Variants in GRIP1 observed in about 807,000 individuals in gnomAD.
GRIP1 encodes glutamate receptor-interacting protein 1.
GRIP1 carries 45 observed loss-of-function variants against 129.9 expected under a neutral mutation model. That is an observed-to-expected ratio of 0.35 (90% CI 0.27 to 0.44). GRIP1 has a LOEUF of 0.44. Ranked by LOEUF, GRIP1 falls within the 20% of genes least tolerant of loss-of-function variation. The probability of loss-of-function intolerance (pLI) is 1.00; values close to 1 mark genes in which losing one functional copy is unlikely to be tolerated. For synonymous variants in GRIP1, 530 were observed against 520.8 expected, an observed-to-expected ratio of 1.02 and a Z score of -0.24; for missense variants, 1,196 against 1,396.8, an observed-to-expected ratio of 0.86 and a Z score of 2.29.
Position 66,517,931 on chromosome 12 carries a change from G to T in GRIP1, c.548C>A (p.Thr183Lys). Residue 183 changes from threonine (T) to lysine (K), a missense_variant, in exon 6 of 25, where the codon ACA becomes AAA. Coordinates refer to ENST00000359742, the MANE Select transcript of GRIP1 (RefSeq NM_001366722.1). The part of the protein sequence containing the change: ...DRNKSRPVVI[T>K]CVRPGGPADR... ...AGCAGGCCCTCCAGGACGAACACAT[G>T]TTATCACAACTGGACGAGATTTATT... 1 of 1,598,054 alleles carries T rather than the reference G, an allele frequency of 6.3e-7. No homozygotes were observed. The highest frequency in any genetic ancestry group is 8.6e-7 in the Non-Finnish European group (1 of 1,165,534).
intron 1 of GRIP1, among the ~76,000 whole-genome samples, chr12:66,740,031 C>T (rs1363178952): frequency 2.6e-5 from 4 of 152,098 alleles, no homozygotes; most frequent in African/African-American, 9.7e-5. Flanking sequence ...CCCCTGTGAC[C>T]CTGAGTCCTG....
At chr12:66,640,310 C>A (rs1283385042) in intron 1 of GRIP1, among the ~76,000 whole-genome samples, 1 of 152,188 alleles carries the variant, frequency 6.6e-6, no homozygotes, top group African/African-American at 2.4e-5. Flanking sequence ...CATTACTTAG[C>A]ACATATTAGT....
chr12:66,550,015 T>C (rs2062073539), intron 2 of GRIP1, among the ~76,000 whole-genome samples: 1 of 152,186 alleles, frequency 6.6e-6, no homozygotes, highest in Non-Finnish European at 1.5e-5. Flanking sequence ...ACTGTTTTTC[T>C]GGCATAACTG....
chr12:66,382,772 C>T (rs1834186416), intron 19 of GRIP1, among the ~76,000 whole-genome samples: 1 of 152,154 alleles, frequency 6.6e-6, no homozygotes, highest in African/African-American at 2.4e-5. Context: ...TTCCTGTCCT[C>T]AAAAACTGCA....
At chr12:66,873,085 T>G (rs909769486) in intron 1 of GRIP1, among the ~76,000 whole-genome samples, 1 of 152,084 alleles carries the variant, frequency 6.6e-6, no homozygotes, top group African/African-American at 2.4e-5. Context: ...TGTCTTGGCT[T>G]TCTTACAATA....
intron 1 of GRIP1, among the ~76,000 whole-genome samples, chr12:66,897,530 G>A (rs1408329874): frequency 3.3e-5 from 5 of 152,292 alleles, no homozygotes; most frequent in East Asian, 3.9e-4. Flanking sequence ...GCAATCAGCC[G>A]CTTCAGAACA....
At chr12:67,045,324 C>A (rs1166397675) in intron 1 of GRIP1, among the ~76,000 whole-genome samples, 3 of 152,110 alleles carry the variant, frequency 2.0e-5, no homozygotes, top group Non-Finnish European at 2.9e-5. Flanking sequence ...AGAAATTCTA[C>A]ATGAACTTTT....
intron 1 of GRIP1, among the ~76,000 whole-genome samples, chr12:66,793,518 A>T (rs1201107056): frequency 6.6e-6 from 1 of 152,234 alleles, no homozygotes; most frequent in Non-Finnish European, 1.5e-5. Flanking sequence ...AGTATAATTG[A>T]ATACAAAATA....
intron 1 of GRIP1, among the ~76,000 whole-genome samples, chr12:66,888,924 C>A: frequency 6.6e-6 from 1 of 152,002 alleles, no homozygotes; most frequent in South Asian, 2.1e-4. Flanking sequence ...TATTTGAAGA[C>A]TACATTTAAA....
chr12:66,995,115 G>T (rs892320511), intron 1 of GRIP1, among the ~76,000 whole-genome samples: 6 of 151,462 alleles, frequency 4.0e-5, no homozygotes, highest in Non-Finnish European at 5.9e-5. Flanking sequence ...TTCAACAAAT[G>T]GTTCTAGTAC....
intron 1 of GRIP1, among the ~76,000 whole-genome samples, chr12:66,661,442 G>A (rs2033493573): frequency 7.7e-6 from 1 of 129,608 alleles, no homozygotes; most frequent in African/African-American, 3.0e-5. Flanking sequence ...GAAAATGAAA[G>A]CTTTGTTAGA....
At chr12:66,881,945 C>CTTTCAGTCA (rs1175491751) in intron 1 of GRIP1, among the ~76,000 whole-genome samples, 1 of 152,132 alleles carries the variant, frequency 6.6e-6, no homozygotes, top group East Asian at 1.9e-4. Context: ...TGAAAATTTC[C>CTTTCAGTCA]TTTCAGTCAT....
intron 5 of GRIP1, among the ~76,000 whole-genome samples, chr12:66,525,916 T>G (rs749307476): frequency 0.053 from 7,923 of 150,432 alleles, 276 homozygotes; most frequent in Non-Finnish European, 0.077. Context: ...AATCATGAGT[T>G]AACTCCCATT....
At chr12:66,591,615 AT>A (rs1022984291) in intron 2 of GRIP1, among the ~76,000 whole-genome samples, 1 of 151,730 alleles carries the variant, frequency 6.6e-6, no homozygotes. Context: ...AGATGCACTC[AT>A]TTTTTTTGTT....
chr12:66,711,333 T>C (rs2136400212), intron 1 of GRIP1, among the ~76,000 whole-genome samples: 1 of 152,064 alleles, frequency 6.6e-6, no homozygotes, highest in Admixed American at 6.6e-5. Context: ...AGTAAATACA[T>C]GTCTCTGGGA....
intron 1 of GRIP1, among the ~76,000 whole-genome samples, chr12:66,893,302 A>G (rs113988196): frequency 0.023 from 3,560 of 152,122 alleles, 66 homozygotes; most frequent in Middle Eastern, 0.058. Context: ...GGCTGAGTAC[A>G]GTGGTGCGAT....
chr12:66,790,805 T>C (rs893677921), intron 1 of GRIP1, among the ~76,000 whole-genome samples: 26 of 151,890 alleles, frequency 1.7e-4, no homozygotes, highest in African/African-American at 5.1e-4. Context: ...ATTTGTGACA[T>C]CTAAATTACA....
At chr12:66,510,907 A>G (rs1242534936) in intron 7 of GRIP1, among the ~76,000 whole-genome samples, 1 of 152,198 alleles carries the variant, frequency 6.6e-6, no homozygotes, top group Non-Finnish European at 1.5e-5. Context: ...GGTGCTCCAC[A>G]TTGTTATTCA....
chr12:66,709,198 T>G, intron 1 of GRIP1, among the ~76,000 whole-genome samples: 1 of 151,968 alleles, frequency 6.6e-6, no homozygotes, highest in East Asian at 1.9e-4. Flanking sequence ...TTTAAATGAA[T>G]GAAAAACAAC....
Sources: allele counts gnomAD v4.1 joint callset (sites outside exome capture counted in the v4.1 genomes callset), GRCh38; gene constraint gnomAD v4.1.1; transcripts MANE v1.5; gene names NCBI Gene and HGNC (gene_info 2026-07-23, HGNC 2026-07-21).